MND1: variants seen among roughly 807,000 people sequenced by gnomAD.
MND1 encodes the protein meiotic nuclear divisions 1.
A neutral mutation model predicts 35.1 loss-of-function variants in MND1; 28 were observed. That is an observed-to-expected ratio of 0.80 (90% CI 0.59 to 1.09). The LOEUF (loss-of-function observed/expected upper bound fraction) is 1.09, where lower values mean the gene tolerates loss of function less well. Among genes scored for constraint, MND1 ranks in the 50% least tolerant of loss-of-function variants. The pLI is 0.00. For synonymous variants in MND1, 69 were observed against 70.5 expected, an observed-to-expected ratio of 0.98 and a Z score of 0.11; for missense variants, 213 against 239.6, an observed-to-expected ratio of 0.89 and a Z score of 0.73.
At chr4:153,407,689 A>G (rs1016936230) in intron 6 of MND1, among the ~76,000 whole-genome samples, 3 of 152,210 alleles carry the variant, frequency 2.0e-5, no homozygotes, top group Non-Finnish European at 4.4e-5. Flanking sequence ...GTAAAATAGT[A>G]CTTCGCATAA....
intron 4 of MND1, among the ~76,000 whole-genome samples, chr4:153,365,990 G>A (rs1391628251): frequency 6.6e-6 from 1 of 152,164 alleles, no homozygotes; most frequent in Non-Finnish European, 1.5e-5. Flanking sequence ...CTGGAGGCCA[G>A]AAGTTAAAAA....
Position 153,344,697 on chromosome 4 carries a change from C to A in MND1, c.-41C>A. On this transcript the variant is annotated 5_prime_UTR_variant, in exon 1 of 8. Transcript: ENST00000240488. The stretch of plus-strand genomic sequence containing the variant: ...TCCTGGCCTGTCCCGCCCCTCTCCC[C>A]AAGCGCGGGCCCGGCCAGCGGAAGC... 3 of 1,569,226 alleles carry A rather than the reference C, an allele frequency of 1.9e-6. No individual in the cohort carries two copies. The South Asian group carries it at 3.5e-5, about 18-fold the overall frequency.
Position 153,397,327 on chromosome 4 carries a change from G to A in MND1, c.460G>A (p.Glu154Lys), listed in dbSNP as rs201358684. 1 of 1,608,432 alleles carries A rather than the reference G, an allele frequency of 6.2e-7. No individual in the cohort carries two copies. The highest frequency in any genetic ancestry group is 8.5e-7 in the Non-Finnish European group (1 of 1,176,584). The change falls in exon 6 of 8, where the codon GAA becomes AAA. Residue 154 changes from glutamate to lysine, a missense_variant. Physicochemically the swap from Glu to Lys is moderately conservative, Grantham distance 56 (BLOSUM62 1). Coordinates refer to ENST00000240488, the MANE Select transcript of MND1 (RefSeq NM_032117.4). Reference sequence around the variant, plus strand: ...AGACTGTGATCCGCAAGTTGTGGAAGAAATACGTAAGTTTGTGTCATACCT... The same window carrying A: ...AGACTGTGATCCGCAAGTTGTGGAAAAAATACGTAAGTTTGTGTCATACCT... ...YKDCDPQVVE[E>K]IRQANKVAKE...
intron 4 of MND1, among the ~76,000 whole-genome samples, chr4:153,390,923 G>A (rs867632611): frequency 6.3e-4 from 82 of 130,990 alleles, no homozygotes; most frequent in Admixed American, 9.2e-4. Flanking sequence ...GTGTATATGT[G>A]TGTGTGTGTG....
Position 153,408,996 on chromosome 4 carries a change from A to AG in MND1, c.493dup (p.Ala165GlyfsTer3). On this transcript the variant is annotated frameshift_variant, in exon 7 of 8. Transcript: ENST00000240488. LOFTEE classifies it high-confidence loss of function. ...GCCAAGCAAATAAAGTAGCCAAAGA[A>AG]GCTGCTAACAGATGGACTGGTATGT... The AG allele has an allele frequency of 7.5e-7, 1 of 1,326,748 alleles. No homozygotes were observed. The highest frequency in any genetic ancestry group is 9.8e-7 in the Non-Finnish European group (1 of 1,024,548). The allele number at this position is 1,326,748 out of a possible 1,614,324, so 82.2% of individuals were successfully genotyped here.
chr4:153,364,163 A>G (rs1007288332), intron 4 of MND1, among the ~76,000 whole-genome samples: 1 of 152,176 alleles, frequency 6.6e-6, no homozygotes, highest in African/African-American at 2.4e-5. Flanking sequence ...TGGGAATGTG[A>G]AATGGTGCAG....
chr4:153,368,930 T>C (rs1212290900), intron 4 of MND1, among the ~76,000 whole-genome samples: 1 of 152,224 alleles, frequency 6.6e-6, no homozygotes, highest in African/African-American at 2.4e-5. Context: ...GAAATAGACA[T>C]TACTATCTCA....
chr4:153,346,079 C>T, intron 1 of MND1, among the ~76,000 whole-genome samples: 1 of 152,180 alleles, frequency 6.6e-6, no homozygotes, highest in Non-Finnish European at 1.5e-5. Context: ...TGTGGACTTC[C>T]TATTTTTTAA....
Position 153,415,054 on chromosome 4 carries a change from T to C in MND1, c.*197T>C, listed in dbSNP as rs1303941963. ...CAGGATGATAACCATATCCCCCCAGTGCTCATCAAAGTAGGACAATAAAAA... is the reference window on the plus strand; with the variant it reads ...CAGGATGATAACCATATCCCCCCAGCGCTCATCAAAGTAGGACAATAAAAA... On this transcript the variant is annotated 3_prime_UTR_variant, in exon 8 of 8. Transcript: ENST00000240488. 2.9e-6 allele frequency: 1 copy of C among 346,814 alleles called. No individual in the cohort carries two copies. Among genetic ancestry groups the C allele is most frequent in the African/African-American group, 2.1e-5 (1 of 47,196 alleles). The allele number at this position is 346,814 out of a possible 1,614,324, so 21.5% of individuals were successfully genotyped here. A position where few individuals can be genotyped will look rare whatever the true frequency, so the allele number is the denominator to read the frequency against.
At position 153,345,414 on chromosome 4, in the gene MND1, G is replaced by A. The variant is rs1365174452; in HGVS notation, c.3+674G>A. The A allele has an allele frequency of 5.1e-6, 5 of 985,518 alleles. No homozygotes were observed. In the East Asian group the frequency reaches 3.4e-4, roughly 67 times the overall value. The allele number at this position is 985,518 out of a possible 1,614,324, so 61.0% of individuals were successfully genotyped here. On this transcript the variant is annotated intron_variant, in intron 1 of 7. Coordinates refer to ENST00000240488, the MANE Select transcript of MND1 (RefSeq NM_032117.4). Reference sequence around the variant, plus strand: ...GGGCAGGAGTCGCTGCTCTTGTGCCGGGTGCTGCTGGTTGTGTAGGGCGCT... The same window carrying A: ...GGGCAGGAGTCGCTGCTCTTGTGCCAGGTGCTGCTGGTTGTGTAGGGCGCT...
intron 4 of MND1, among the ~76,000 whole-genome samples, chr4:153,363,833 G>A (rs547519068): frequency 6.6e-6 from 1 of 152,308 alleles, no homozygotes; most frequent in Admixed American, 6.5e-5. Flanking sequence ...GAGGGAAATG[G>A]AGCCTAGGAT....
At chr4:153,385,334 G>A (rs929290426) in intron 4 of MND1, among the ~76,000 whole-genome samples, 2 of 152,156 alleles carry the variant, frequency 1.3e-5, no homozygotes, top group Non-Finnish European at 2.9e-5. Context: ...CATTGTAACA[G>A]TTAAAATATT....
chr4:153,369,352 T>C (rs1276693172), intron 4 of MND1, among the ~76,000 whole-genome samples: 1 of 152,200 alleles, frequency 6.6e-6, no homozygotes, highest in South Asian at 2.1e-4. Flanking sequence ...TCATTAAATT[T>C]AGTTTACACT....
chr4:153,376,801 G>C (rs902916114), intron 4 of MND1, among the ~76,000 whole-genome samples: 1 of 152,016 alleles, frequency 6.6e-6, no homozygotes, highest in East Asian at 1.9e-4. Flanking sequence ...ACTCTAATCT[G>C]CTGGACTATG....
chr4:153,370,094 C>T (rs752569636), intron 4 of MND1, among the ~76,000 whole-genome samples: 5 of 151,900 alleles, frequency 3.3e-5, no homozygotes, highest in African/African-American at 4.8e-5. Context: ...CCAGCCTAGC[C>T]AACATCGTGA....
chr4:153,354,974 G>A (rs1773304238), intron 2 of MND1, among the ~76,000 whole-genome samples: 1 of 152,030 alleles, frequency 6.6e-6, no homozygotes, highest in East Asian at 1.9e-4. Context: ...ACCAGCCTGG[G>A]CAAAATGGTG....
chr4:153,349,996 G>T (rs1251912443), intron 1 of MND1, 68 bp from the exon 2 acceptor site: 1 of 1,111,948 alleles, frequency 9.0e-7, no homozygotes, highest in Non-Finnish European at 1.3e-6. Flanking sequence ...AATTTCAAAT[G>T]TTGCAAATCC....
chr4:153,347,317 G>A (rs1773097777), intron 1 of MND1, among the ~76,000 whole-genome samples: 1 of 152,188 alleles, frequency 6.6e-6, no homozygotes, highest in South Asian at 2.1e-4. Context: ...GGTTCCTGGA[G>A]TTTGCCTAAC....
chr4:153,372,555 C>A (rs1408251410), intron 4 of MND1, among the ~76,000 whole-genome samples: 1 of 152,092 alleles, frequency 6.6e-6, no homozygotes, highest in Admixed American at 6.6e-5. Context: ...ATTGAACATA[C>A]CAATCAACCC....
Sources: gnomAD v4.1 joint callset for allele counts (sites outside exome capture counted in the v4.1 genomes callset) on GRCh38, gnomAD v4.1.1 for gene constraint, MANE v1.5 for transcripts, NCBI Gene and HGNC (gene_info 2026-07-23, HGNC 2026-07-21) for gene names.